DCC: variants seen among roughly 807,000 people sequenced by gnomAD.
The protein encoded by DCC is netrin receptor DCC.
In DCC, 58 loss-of-function variants were observed where a neutral mutation model predicts 172.5. The observed-to-expected ratio is 0.34, with a 90% CI of 0.27 to 0.42. The LOEUF is 0.42. Ranked by LOEUF, DCC falls within the 10% of genes least tolerant of loss-of-function variation. The probability of loss-of-function intolerance (pLI) is 1.00; values close to 1 mark genes in which losing one functional copy is unlikely to be tolerated. For synonymous variants in DCC, 709 were observed against 644.5 expected (o/e 1.10, Z -1.52); for missense variants, 1,740 against 1,791.0 (o/e 0.97, Z 0.51).
chr18:53,505,106 G>A (rs1343653159), intron 27 of DCC: 1 of 152,146 alleles, frequency 6.6e-6, no homozygotes, highest in Admixed American at 6.5e-5. Flanking sequence ...ATTTAGCTGA[G>A]TGTTTGAGTA....
At chr18:52,389,326 T>G (rs1028363461) in intron 1 of DCC, among the ~76,000 whole-genome samples, 2 of 152,160 alleles carry the variant, frequency 1.3e-5, no homozygotes, top group African/African-American at 4.8e-5. Flanking sequence ...ATTTTTAGTA[T>G]ATCTCAAATA....
intron 15 of DCC, among the ~76,000 whole-genome samples, chr18:53,359,193 G>C (rs1482779450): frequency 6.6e-6 from 1 of 152,094 alleles, no homozygotes; most frequent in African/African-American, 2.4e-5. Flanking sequence ...TTGAGTGCAG[G>C]TTTTGGAGGT....
chr18:53,358,505 G>T (rs1317450951), intron 15 of DCC, among the ~76,000 whole-genome samples: 4 of 142,884 alleles, frequency 2.8e-5, no homozygotes, highest in African/African-American at 7.7e-5. Flanking sequence ...AGGATACTAA[G>T]AAATGTAAGA....
intron 12 of DCC, among the ~76,000 whole-genome samples, chr18:53,249,380 A>C (rs1375620349): frequency 2.6e-5 from 4 of 151,954 alleles, no homozygotes; most frequent in Admixed American, 2.6e-4. Flanking sequence ...ATATTGATGG[A>C]AGAGGTTCCA....
intron 7 of DCC, among the ~76,000 whole-genome samples, chr18:53,110,337 G>A (rs747796823): frequency 3.3e-5 from 5 of 151,574 alleles, no homozygotes; most frequent in Non-Finnish European, 5.9e-5. Context: ...TGTTATGTGG[G>A]TATATTAAAC....
intron 2 of DCC, among the ~76,000 whole-genome samples, chr18:52,817,598 T>C (rs1196810141): frequency 6.6e-6 from 1 of 152,008 alleles, no homozygotes; most frequent in Non-Finnish European, 1.5e-5. Flanking sequence ...TTCCTCTTTC[T>C]AATATATATT....
intron 5 of DCC, among the ~76,000 whole-genome samples, chr18:52,996,980 C>T (rs1304540105): frequency 2.6e-5 from 4 of 152,048 alleles, no homozygotes; most frequent in African/African-American, 9.7e-5. Flanking sequence ...TCTCTTGATA[C>T]AAGTCTCAGA....
intron 28 of DCC, among the ~76,000 whole-genome samples, chr18:53,527,211 T>A (rs1295192793): frequency 6.6e-6 from 1 of 151,626 alleles, no homozygotes; most frequent in African/African-American, 2.4e-5. Context: ...TCTTCCTTTT[T>A]TTTTTTTATT....
At chr18:52,995,416 G>A (rs187571433) in intron 5 of DCC, among the ~76,000 whole-genome samples, 3 of 152,058 alleles carry the variant, frequency 2.0e-5, no homozygotes, top group Non-Finnish European at 4.4e-5. Context: ...GAGGCAGTTC[G>A]GTTTTCTCTT....
Position 52,498,493 on chromosome 18 carries a change from A to C in DCC, c.91+157615A>C, listed in dbSNP as rs539998413. 1.2e-4 allele frequency among the ~76,000 whole-genome samples: 19 copies of C among 152,172 alleles called. 1 individual carries two copies. The South Asian group carries it at 3.5e-3, about 28-fold the overall frequency. On this transcript the variant is annotated intron_variant, in intron 1 of 28. Coordinates refer to ENST00000442544, the MANE Select transcript of DCC (RefSeq NM_005215.4). ...ACAAAAATTAGCCGTGCATGGTGGC[A>C]GGAGCCTGTAATCCCAGTTACTCAG...
chr18:52,909,193 C>G (rs2039932618), intron 3 of DCC, among the ~76,000 whole-genome samples: 1 of 152,116 alleles, frequency 6.6e-6, no homozygotes, highest in South Asian at 2.1e-4. Context: ...TCAATTTTCA[C>G]TCTCTGTAAG....
At chr18:53,205,504 T>A in intron 10 of DCC, 140 bp downstream of exon 10, 1 of 849,778 alleles carries the variant, frequency 1.2e-6, no homozygotes, top group Non-Finnish European at 2.0e-6. Context: ...AAAAGCTGAT[T>A]AGTTTTAAAG....
intron 13 of DCC, among the ~76,000 whole-genome samples, chr18:53,317,567 G>A (rs564032386): frequency 3.9e-5 from 6 of 152,166 alleles, no homozygotes; most frequent in Non-Finnish European, 8.8e-5. Flanking sequence ...CCAGCTCATC[G>A]TTTTACCTGT....
chr18:52,390,922 A>G (rs923857678), intron 1 of DCC, among the ~76,000 whole-genome samples: 5 of 152,034 alleles, frequency 3.3e-5, no homozygotes, highest in African/African-American at 1.2e-4. Flanking sequence ...TATACAGCCT[A>G]TTTTGCAGAA....
chr18:53,128,447 C>T (rs2043597408), intron 7 of DCC, among the ~76,000 whole-genome samples: 1 of 151,988 alleles, frequency 6.6e-6, no homozygotes, highest in African/African-American at 2.4e-5. Flanking sequence ...TCTTTCCTTC[C>T]TTGCATCCAT....
intron 7 of DCC, among the ~76,000 whole-genome samples, chr18:53,087,742 C>T (rs1351164590): frequency 4.6e-5 from 7 of 152,088 alleles, no homozygotes; most frequent in Admixed American, 6.5e-5. Context: ...TTAGGTCTAA[C>T]GTTTAAGTCT....
At chr18:53,217,320 C>T (rs796465979) in intron 12 of DCC, among the ~76,000 whole-genome samples, 296 of 67,546 alleles carry the variant, frequency 4.4e-3, no homozygotes, top group African/African-American at 8.8e-3. Context: ...TACACACACA[C>T]ACACACACAC....
chr18:52,536,251 G>C (rs1480545569), intron 1 of DCC, among the ~76,000 whole-genome samples: 1 of 152,074 alleles, frequency 6.6e-6, no homozygotes, highest in Non-Finnish European at 1.5e-5. Context: ...TCCTAGAGGG[G>C]AAGTGAATAG....
chr18:52,762,483 A>C (rs954922011), intron 2 of DCC, among the ~76,000 whole-genome samples: 3 of 143,378 alleles, frequency 2.1e-5, no homozygotes, highest in Admixed American at 2.0e-4. Flanking sequence ...AAAAAAAAAA[A>C]AACAAACATT....
Sources: gnomAD v4.1 joint callset for allele counts (sites outside exome capture counted in the v4.1 genomes callset) on GRCh38, gnomAD v4.1.1 for gene constraint, MANE v1.5 for transcripts, NCBI Gene and HGNC (gene_info 2026-07-23, HGNC 2026-07-21) for gene names.